Variants in SYT16 observed in about 807,000 individuals in gnomAD.
SYT16 encodes synaptotagmin-16.
SYT16 carries 42 observed loss-of-function variants against 61.4 expected under a neutral mutation model. That is an observed-to-expected ratio of 0.68 (90% CI 0.53 to 0.89). The LOEUF (loss-of-function observed/expected upper bound fraction) is 0.89. SYT16 is among the 40% of genes least tolerant of loss of function. SYT16 has a pLI of 0.00. For synonymous variants in SYT16, 314 were observed against 302.3 expected (o/e 1.04, Z -0.40); for missense variants, 804 against 807.3 (o/e 1.00, Z 0.05).
At chr14:61,925,450 G>A (rs1199730137) in intron 1 of SYT16, among the ~76,000 whole-genome samples, 1 of 152,182 alleles carries the variant, frequency 6.6e-6, no homozygotes, top group Admixed American at 6.5e-5. Context: ...TGGTGTATTA[G>A]CATTTGCTTT....
chr14:61,968,645 A>C (rs1179666994), intron 1 of SYT16, among the ~76,000 whole-genome samples: 1 of 152,190 alleles, frequency 6.6e-6, no homozygotes, highest in African/African-American at 2.4e-5. Context: ...ATTACTTTCC[A>C]TGTGTTACCT....
chr14:62,023,743 A>G (rs1206101654), intron 3 of SYT16, among the ~76,000 whole-genome samples: 1 of 152,078 alleles, frequency 6.6e-6, no homozygotes, highest in African/African-American at 2.4e-5. Flanking sequence ...TTTTTCATTC[A>G]GCTTTTAGAG....
intron 1 of SYT16, among the ~76,000 whole-genome samples, chr14:61,902,277 G>T (rs2048551557): frequency 6.6e-6 from 1 of 152,096 alleles, no homozygotes; most frequent in Admixed American, 6.5e-5. Flanking sequence ...TCTCTCAAAA[G>T]GCCATATCTT....
At position 62,081,141 on chromosome 14, in the gene SYT16, G is replaced by A. The variant is rs2056692743; in HGVS notation, c.1301G>A (p.Arg434His). 6.8e-6 allele frequency: 11 copies of A among 1,613,908 alleles called. No individual in the cohort carries two copies. The highest frequency in any genetic ancestry group is 7.6e-6 in the Non-Finnish European group (9 of 1,179,862). The change falls in exon 6 of 8, where the codon CGC (arginine) becomes CAC (histidine). Residue 434 changes from arginine (R) to histidine (H), a missense_variant. Coordinates refer to ENST00000683842, the MANE Select transcript of SYT16 (RefSeq NM_001367656.1). Reference sequence around the variant, plus strand: ...AGAGATGTGGCTGCCTGTGCTGTCCGCTTCCGCCTGTACGCTGCCCGGAAG... The same window carrying A: ...AGAGATGTGGCTGCCTGTGCTGTCCACTTCCGCCTGTACGCTGCCCGGAAG... ...EPRDVAACAV[R>H]FRLYAARKMT...
chr14:61,953,917 G>T (rs1174735127), intron 1 of SYT16, among the ~76,000 whole-genome samples: 2 of 152,182 alleles, frequency 1.3e-5, no homozygotes, highest in Non-Finnish European at 2.9e-5. Flanking sequence ...TTAGGTTTAA[G>T]TCAGGGACTT....
intron 3 of SYT16, among the ~76,000 whole-genome samples, chr14:62,011,388 T>TA (rs980282609): frequency 1.3e-4 from 19 of 150,684 alleles, no homozygotes; most frequent in East Asian, 7.8e-4. Context: ...TGGAGAAAAA[T>TA]AAAAAAAAAC....
chr14:61,911,127 G>A (rs937291433), intron 1 of SYT16, among the ~76,000 whole-genome samples: 1 of 152,100 alleles, frequency 6.6e-6, no homozygotes, highest in African/African-American at 2.4e-5. Flanking sequence ...TTTGTAAGGC[G>A]TTTCCTCTGA....
chr14:61,890,782 G>A (rs1185732362), intron 1 of SYT16, among the ~76,000 whole-genome samples: 1 of 152,172 alleles, frequency 6.6e-6, no homozygotes, highest in African/African-American at 2.4e-5. Context: ...TCATAGCTGT[G>A]GTTCTGTGAG....
chr14:61,967,570 C>T (rs761347891), intron 1 of SYT16, among the ~76,000 whole-genome samples: 40 of 152,260 alleles, frequency 2.6e-4, no homozygotes, highest in Non-Finnish European at 4.7e-4. Flanking sequence ...GGTTTTGTAA[C>T]TCGAATCTCT....
intron 3 of SYT16, among the ~76,000 whole-genome samples, chr14:62,064,344 A>AG (rs1318890763): frequency 2.0e-5 from 3 of 150,088 alleles, no homozygotes; most frequent in African/African-American, 7.3e-5. Context: ...GAAAAAAAAA[A>AG]AAAAAAAAAA....
chr14:61,951,286 G>T (rs1010797136), intron 1 of SYT16, among the ~76,000 whole-genome samples: 1 of 152,000 alleles, frequency 6.6e-6, no homozygotes, highest in African/African-American at 2.4e-5. Flanking sequence ...TACTACTTAG[G>T]CAAGTCCTTA....
chr14:62,079,024 T>C (rs2056613477), intron 5 of SYT16, among the ~76,000 whole-genome samples: 1 of 152,216 alleles, frequency 6.6e-6, no homozygotes, highest in African/African-American at 2.4e-5. Context: ...TAGTAGATGT[T>C]AGCTATTATT....
chr14:61,852,756 G>A (rs2046654446), intron 1 of SYT16, among the ~76,000 whole-genome samples: 1 of 152,080 alleles, frequency 6.6e-6, no homozygotes, highest in Non-Finnish European at 1.5e-5. Context: ...TGTGATTTTT[G>A]CATGTTGGTT....
intron 1 of SYT16, among the ~76,000 whole-genome samples, chr14:61,965,985 C>T (rs559783382): frequency 1.2e-3 from 187 of 151,830 alleles, no homozygotes; most frequent in African/African-American, 4.1e-3. Flanking sequence ...CACAGAGTAA[C>T]GAAAAGTAAG....
At chr14:62,098,590 A>G (rs921269244) in intron 7 of SYT16, among the ~76,000 whole-genome samples, 1 of 152,220 alleles carries the variant, frequency 6.6e-6, no homozygotes, top group Non-Finnish European at 1.5e-5. Flanking sequence ...CACAAGTTTG[A>G]AAACTTGAGA....
intron 1 of SYT16, among the ~76,000 whole-genome samples, chr14:61,927,274 A>G (rs2049576432): frequency 6.6e-6 from 1 of 152,234 alleles, no homozygotes; most frequent in Non-Finnish European, 1.5e-5. Context: ...TTGGGAAGTA[A>G]TCTATTTTTA....
At chr14:61,979,882 AAAAG>A (rs2051994248) in intron 2 of SYT16, among the ~76,000 whole-genome samples, 1 of 152,202 alleles carries the variant, frequency 6.6e-6, no homozygotes, top group Admixed American at 6.5e-5. Context: ...CTCTGTCTCA[AAAAG>A]AAAAAAAAAA....
At chr14:61,907,355 A>C (rs2048762383) in intron 1 of SYT16, among the ~76,000 whole-genome samples, 1 of 152,258 alleles carries the variant, frequency 6.6e-6, no homozygotes, top group Non-Finnish European at 1.5e-5. Flanking sequence ...TTAATAAATG[A>C]AATCTGCATT....
At position 61,975,814 on chromosome 14, in the gene SYT16, C is replaced by A. The variant is rs564315633; in HGVS notation, c.-145+5503C>A. ...TAACCATATTATTCTGCTCCTGGTT[C>A]CCCCCAAATCTCATGTCTCTTTCGC... is the stretch of plus-strand genomic sequence containing the variant. On this transcript the variant is annotated intron_variant, in intron 2 of 7. Coordinates refer to ENST00000683842, the MANE Select transcript of SYT16 (RefSeq NM_001367656.1). Among the ~76,000 whole-genome samples the A allele has an allele frequency of 3.9e-5, 6 of 152,218 alleles. No individual in the cohort carries two copies. The South Asian group carries it at 1.2e-3, about 32-fold the overall frequency.
Sources: allele counts gnomAD v4.1 joint callset (sites outside exome capture counted in the v4.1 genomes callset), GRCh38; gene constraint gnomAD v4.1.1; transcripts MANE v1.5; gene names NCBI Gene and HGNC (gene_info 2026-07-23, HGNC 2026-07-21).